CDC14A: variants seen among roughly 807,000 people sequenced by gnomAD.
The protein encoded by CDC14A is cell division cycle 14A.
Under a neutral mutation model 74.4 loss-of-function variants are expected in CDC14A, and 53 were observed. That is an observed-to-expected ratio of 0.71 (90% CI 0.57 to 0.89). CDC14A has a LOEUF of 0.89. CDC14A is among the 40% of genes least tolerant of loss of function. The probability of loss-of-function intolerance (pLI) is 0.00; values close to 1 mark genes in which losing one functional copy is unlikely to be tolerated. For synonymous variants in CDC14A, 247 were observed against 258.4 expected, an observed-to-expected ratio of 0.96 and a Z score of 0.43; for missense variants, 646 against 713.7, an observed-to-expected ratio of 0.91 and a Z score of 1.08.
chr1:100,346,026 C>G (rs1042394440), intron 1 of CDC14A, among the ~76,000 whole-genome samples: 6 of 152,096 alleles, frequency 3.9e-5, no homozygotes, highest in South Asian at 4.2e-4. Context: ...CAAAAATTCA[C>G]TGGGTGTGGG....
intron 2 of CDC14A, among the ~76,000 whole-genome samples, chr1:100,356,858 TAAAAA>T (rs11448846): frequency 8.5e-5 from 6 of 70,788 alleles, no homozygotes; most frequent in Admixed American, 3.4e-4. Flanking sequence ...AGACTCTGTC[TAAAAA>T]AAAAAAAAAA....
intron 5 of CDC14A, among the ~76,000 whole-genome samples, chr1:100,429,206 AAAATAAAT>A (rs10529924): frequency 1.1e-4 from 12 of 113,418 alleles, no homozygotes; most frequent in Non-Finnish European, 2.0e-4. Flanking sequence ...TCCATCTCAA[AAAATAAAT>A]AAATAAATAA....
chr1:100,380,488 G>A (rs1361403149), intron 3 of CDC14A, among the ~76,000 whole-genome samples: 2 of 152,148 alleles, frequency 1.3e-5, no homozygotes, highest in Non-Finnish European at 2.9e-5. Flanking sequence ...AAGTGTTAGG[G>A]CCATTCTGTC....
At position 100,500,397 on chromosome 1, in the gene CDC14A, T is replaced by A. The variant is rs113100627; in HGVS notation, c.1755+1135T>A. Among the ~76,000 whole-genome samples, 54 of 152,278 alleles carry A rather than the reference T, an allele frequency of 3.5e-4. 2 individuals are homozygous for A. The highest frequency in any genetic ancestry group is 1.0e-3 in the Admixed American group (16 of 15,304). On this transcript the variant is annotated intron_variant, in intron 15 of 15. Transcript: ENST00000336454. Reference sequence around the variant, plus strand: ...TGGCAGTGTGCTGCGTATGGCCCACTCAGCAAAACAGGAGCCCCATGGTTC... The same window carrying A: ...TGGCAGTGTGCTGCGTATGGCCCACACAGCAAAACAGGAGCCCCATGGTTC...
At chr1:100,364,056 G>A (rs1288022311) in intron 2 of CDC14A, among the ~76,000 whole-genome samples, 5 of 152,074 alleles carry the variant, frequency 3.3e-5, no homozygotes, top group African/African-American at 1.2e-4. Context: ...TTGAGCTTAG[G>A]AGGTCGAGGC....
intron 11 of CDC14A, among the ~76,000 whole-genome samples, chr1:100,493,685 C>A (rs904253000): frequency 6.6e-6 from 1 of 152,186 alleles, no homozygotes; most frequent in African/African-American, 2.4e-5. Flanking sequence ...CACTTGCACC[C>A]ATTCTTTAAG....
chr1:100,502,413 G>A (rs1648832911), intron 15 of CDC14A, among the ~76,000 whole-genome samples: 1 of 152,202 alleles, frequency 6.6e-6, no homozygotes, highest in South Asian at 2.1e-4. Flanking sequence ...ATTCAGTAGA[G>A]TAACATGCTG....
intron 10 of CDC14A, among the ~76,000 whole-genome samples, chr1:100,482,121 G>A (rs1034703279): frequency 6.6e-6 from 1 of 152,178 alleles, no homozygotes; most frequent in African/African-American, 2.4e-5. Flanking sequence ...GCAAGTGAAA[G>A]TTGTCACTTT....
At chr1:100,410,186 T>G (rs1039758082) in intron 4 of CDC14A, among the ~76,000 whole-genome samples, 4 of 151,380 alleles carry the variant, frequency 2.6e-5, no homozygotes, top group Non-Finnish European at 5.9e-5. Flanking sequence ...CACTCCAGCC[T>G]GGGTGACTGA....
At chr1:100,415,860 A>T (rs1438667078) in intron 4 of CDC14A, among the ~76,000 whole-genome samples, 1 of 152,250 alleles carries the variant, frequency 6.6e-6, no homozygotes, top group Non-Finnish European at 1.5e-5. Context: ...TGAGAAATGT[A>T]TAACTTTTTC....
chr1:100,409,957 G>A (rs750325481), intron 4 of CDC14A, among the ~76,000 whole-genome samples: 8 of 152,212 alleles, frequency 5.3e-5, no homozygotes, highest in Non-Finnish European at 7.3e-5. Flanking sequence ...GTGAGTTGGA[G>A]TTTTAGCAGC....
At chr1:100,478,344 C>T (rs1027415105) in intron 10 of CDC14A, among the ~76,000 whole-genome samples, 5 of 151,782 alleles carry the variant, frequency 3.3e-5, no homozygotes, top group African/African-American at 1.2e-4. Flanking sequence ...TGTGAATGTT[C>T]CCCTGACCTT....
At chr1:100,390,476 T>C (rs2100986844) in intron 3 of CDC14A, among the ~76,000 whole-genome samples, 1 of 152,318 alleles carries the variant, frequency 6.6e-6, no homozygotes, top group East Asian at 1.9e-4. Context: ...ATATTTTAAT[T>C]ATTTTCCACC....
At chr1:100,509,617 T>C (rs1649548922) in intron 15 of CDC14A, among the ~76,000 whole-genome samples, 1 of 152,232 alleles carries the variant, frequency 6.6e-6, no homozygotes. Flanking sequence ...TACACACACA[T>C]ACACATACAT....
intron 15 of CDC14A, among the ~76,000 whole-genome samples, chr1:100,511,711 C>G (rs1649798512): frequency 6.6e-6 from 1 of 152,176 alleles, no homozygotes; most frequent in Non-Finnish European, 1.5e-5. Context: ...TAAGTCCTAT[C>G]AAGTCTCCCT....
rs193085428 is a variant in CDC14A, at chr1:100,481,484, A to T, written c.978-2808A>T. On this transcript the variant is annotated intron_variant, in intron 10 of 15. Transcript: ENST00000336454. ...CACTATAACAGTGTGACTGACTTGA[A>T]TTTCATTAGAGGAATATTAAAAGCA... Among the ~76,000 whole-genome samples, 7 of 152,330 alleles carry T rather than the reference A, an allele frequency of 4.6e-5. No homozygotes were observed. The East Asian group carries it at 1.3e-3, about 29-fold the overall frequency.
intron 11 of CDC14A, among the ~76,000 whole-genome samples, chr1:100,493,347 A>G (rs903650945): frequency 1.3e-5 from 2 of 152,166 alleles, no homozygotes; most frequent in Non-Finnish European, 2.9e-5. Context: ...GCTCTGTGCT[A>G]AGTAACTGCT....
At chr1:100,504,863 T>G (rs1557837160) in intron 15 of CDC14A, 2 of 1,535,700 alleles carry the variant, frequency 1.3e-6, no homozygotes, top group Non-Finnish European at 1.7e-6. Context: ...GGAAGCCCCC[T>G]GCTCTCCTTA....
chr1:100,467,888 G>C (rs1645107774), intron 9 of CDC14A, 68 bp from the exon 10 acceptor site: 6 of 1,445,780 alleles, frequency 4.2e-6, no homozygotes, highest in Non-Finnish European at 5.6e-6. Flanking sequence ...GGCAAGGTTT[G>C]ATTTCAGTGT....
Sources: gnomAD v4.1 joint callset for allele counts (sites outside exome capture counted in the v4.1 genomes callset) on GRCh38, gnomAD v4.1.1 for gene constraint, MANE v1.5 for transcripts, NCBI Gene and HGNC (gene_info 2026-07-23, HGNC 2026-07-21) for gene names.